ZBED6: variants seen among roughly 807,000 people sequenced by gnomAD.
ZBED6 encodes zinc finger BED domain-containing protein 6.
ZBED6 carries 40 observed loss-of-function variants against 58.4 expected under a neutral mutation model. The ratio of observed to expected loss-of-function variants is 0.68; its 90% CI spans 0.53 to 0.89. ZBED6 has a LOEUF of 0.89. ZBED6 is among the 40% of genes least tolerant of loss of function. The probability of loss-of-function intolerance (pLI) is 0.00; values close to 1 mark genes in which losing one functional copy is unlikely to be tolerated. For missense variants in ZBED6, 1,057 were observed against 1,003.9 expected, an observed-to-expected ratio of 1.05 and a Z score of -0.71; for synonymous variants, 439 against 350.6, an observed-to-expected ratio of 1.25 and a Z score of -2.82.
intron 1 of ZBED6, among the ~76,000 whole-genome samples, chr1:203,804,848 T>C (rs1486263301): frequency 6.6e-6 from 1 of 151,808 alleles, no homozygotes; most frequent in Non-Finnish European, 1.5e-5. Flanking sequence ...GATTTTTGTA[T>C]TTTTAGTAGA....
At chr1:203,849,148 G>A (rs1688678931) in intron 13 of ZBED6, among the ~76,000 whole-genome samples, 1 of 152,206 alleles carries the variant, frequency 6.6e-6, no homozygotes, top group African/African-American at 2.4e-5. Context: ...GCCTCCCAAC[G>A]TGTTGGGATT....
At chr1:203,822,534 A>G (rs1468102094) in intron 3 of ZBED6, among the ~76,000 whole-genome samples, 2 of 152,022 alleles carry the variant, frequency 1.3e-5, no homozygotes, top group Non-Finnish European at 1.5e-5. Flanking sequence ...CCCTGCGCAC[A>G]TACTCCAACT....
chr1:203,803,249 T>C (rs2102452858), intron 1 of ZBED6, among the ~76,000 whole-genome samples: 1 of 152,292 alleles, frequency 6.6e-6, no homozygotes, highest in Non-Finnish European at 1.5e-5. Flanking sequence ...TGGAGTGCAA[T>C]GGTGCCATCT....
In ZBED6 at chr1:203,831,234, T is replaced by C. The variant is rs893550798; in HGVS notation, c.*3400-427T>C. 2.0e-5 allele frequency among the ~76,000 whole-genome samples: 3 copies of C among 152,128 alleles called. 1 individual carries two copies. The East Asian group carries it at 5.8e-4, about 29-fold the overall frequency. The stretch of plus-strand genomic sequence containing the variant: ...AAAATTTATAGTGTGAAGTGTAGTA[T>C]ATATAGAGAGAAATGGTTCTAAAAA... On this transcript the variant is annotated intron_variant, in intron 7 of 16. Coordinates refer to ENST00000550078, the Ensembl canonical transcript of ZBED6.
At chr1:203,827,346 T>C (rs1211654680) in intron 3 of ZBED6, among the ~76,000 whole-genome samples, 2 of 150,474 alleles carry the variant, frequency 1.3e-5, no homozygotes, top group Admixed American at 6.6e-5. Context: ...GATGCACAGG[T>C]ATTCTTTTTT....
At chr1:203,834,683 T>A (rs1194230283) in intron 9 of ZBED6, among the ~76,000 whole-genome samples, 1 of 152,106 alleles carries the variant, frequency 6.6e-6, no homozygotes, top group Non-Finnish European at 1.5e-5. Flanking sequence ...AGAGTCTTGC[T>A]CTGTCGCCCA....
In ZBED6 at chr1:203,852,508, C is replaced by A. The variant is rs996470108; in HGVS notation, c.*5241C>A. On this transcript the variant is annotated 3_prime_UTR_variant, in exon 17 of 17. Transcript: ENST00000550078. ...TCATTTCTTTAGTCTAGAATTTGCC[C>A]CAAATCAGAAGTATACCTCTGAATT... 90 of 1,295,724 alleles carry A rather than the reference C, an allele frequency of 6.9e-5. No individual in the cohort carries two copies. In the African/African-American group the frequency reaches 1.3e-3, roughly 19 times the overall value. The allele number at this position is 1,295,724 out of a possible 1,614,324, so 80.3% of individuals were successfully genotyped here. A position where few individuals can be genotyped will look rare whatever the true frequency, so the allele number is the denominator to read the frequency against.
At chr1:203,803,372 G>A (rs1671115612) in intron 1 of ZBED6, among the ~76,000 whole-genome samples, 1 of 151,786 alleles carries the variant, frequency 6.6e-6, no homozygotes, top group South Asian at 2.1e-4. Context: ...TGTATTATTA[G>A]TGGAGATGAA....
At chr1:203,814,266 G>A (rs1342548511) in intron 1 of ZBED6, among the ~76,000 whole-genome samples, 1 of 152,180 alleles carries the variant, frequency 6.6e-6, no homozygotes, top group Non-Finnish European at 1.5e-5. Flanking sequence ...GCTCACACCT[G>A]TAATCCCAGC....
Position 203,797,703 on chromosome 1 carries a change from AAAAAG to A in ZBED6, c.190_194del (p.Arg64GlufsTer6). 3 of 1,535,038 alleles carry A rather than the reference AAAAAG, an allele frequency of 2.0e-6. No homozygotes were observed. Among genetic ancestry groups the A allele is most frequent in the Non-Finnish European group, 2.6e-6 (3 of 1,146,686 alleles). ...GAATAAAGAGGCAAAACAGCCTGCT[AAAAAG>A]AAAAGAAAGAAGGGTTTGCGAATTA... On this transcript the variant is annotated frameshift_variant, in exon 1 of 17. Coordinates refer to ENST00000550078, the Ensembl canonical transcript of ZBED6. LOFTEE classifies it high-confidence loss of function.
intron 15 of ZBED6, 138 bp downstream of exon 15, chr1:203,850,819 G>A (rs1205678376): frequency 1.6e-6 from 2 of 1,285,016 alleles, no homozygotes; most frequent in East Asian, 5.0e-5. Context: ...GGTTACTACT[G>A]TATTTTATAC....
intron 8 of ZBED6, among the ~76,000 whole-genome samples, chr1:203,832,059 T>G (rs1192904087): frequency 1.3e-5 from 2 of 152,160 alleles, no homozygotes; most frequent in Non-Finnish European, 2.9e-5. Flanking sequence ...ATAATAAAGT[T>G]TTTTATTTAT....
At chr1:203,805,714 G>A (rs1316957347) in intron 1 of ZBED6, 2 of 662,122 alleles carry the variant, frequency 3.0e-6, no homozygotes, top group African/African-American at 1.8e-5. Flanking sequence ...TGCAGGTGCA[G>A]ATGCTGGCTC....
At chr1:203,842,474 T>C (rs1482409554) in intron 11 of ZBED6, among the ~76,000 whole-genome samples, 3 of 151,788 alleles carry the variant, frequency 2.0e-5, no homozygotes, top group Non-Finnish European at 4.4e-5. Flanking sequence ...GGCGCGCGCC[T>C]GCAATCCCAG....
rs553171669 is a variant in ZBED6 at position 203,833,618 on chromosome 1, GTTTT to G, written c.*3511-158_*3511-155del. Among the ~76,000 whole-genome samples the G allele has an allele frequency of 9.7e-4, 121 of 124,814 alleles. 1 individual carries two copies. Among genetic ancestry groups the G allele is most frequent in the African/African-American group, 3.5e-3 (118 of 34,056 alleles). 81.9% of individuals were successfully genotyped at this position (124,814 alleles called of 152,430 possible). ...GGCTGTTTATTATTAATAGGTTTGG[GTTTT>G]TTTTTTTTTTTTTTGATATAATGGC... On this transcript the variant is annotated intron_variant, in intron 8 of 16. Coordinates refer to ENST00000550078, the Ensembl canonical transcript of ZBED6.
intron 10 of ZBED6, among the ~76,000 whole-genome samples, chr1:203,838,340 C>A (rs1017620111): frequency 6.6e-6 from 1 of 152,164 alleles, no homozygotes; most frequent in African/African-American, 2.4e-5. Context: ...GAAAAGTACA[C>A]AGTGTTATGG....
In ZBED6 at chr1:203,820,466, T is replaced by TTGTGTGTGTGTGTGTGTGTGTGTG. The variant is rs144962991; in HGVS notation, c.*2873+1778_*2873+1779insGTGTGTGTGTGTGTGTGTGTGTGT. Among the ~76,000 whole-genome samples, 240 of 136,458 alleles carry TTGTGTGTGTGTGTGTGTGTGTGTG rather than the reference T, an allele frequency of 1.8e-3. 4 individuals carry two copies. Among genetic ancestry groups the TTGTGTGTGTGTGTGTGTGTGTGTG allele is most frequent in the Non-Finnish European group, 2.3e-3 (144 of 61,726 alleles). The allele number at this position is 136,458 out of a possible 152,430, so 89.5% of individuals were successfully genotyped here. A position where few individuals can be genotyped will look rare whatever the true frequency, so the allele number is the denominator to read the frequency against. On this transcript the variant is annotated intron_variant, in intron 3 of 16. Transcript: ENST00000550078. ...ATAGCTTTAGCAGGAATATCACAAA[T>TTGTGTGTGTGTGTGTGTGTGTGTG]TATGTGTGTGTGTGTGTATATTTTG... is the stretch of plus-strand genomic sequence containing the variant.
At chr1:203,800,735 A>G (rs1451455539) in exon 1 of ZBED6, 2 of 254,030 alleles carry the variant, frequency 7.9e-6, no homozygotes, top group Admixed American at 5.3e-5. Context: ...GCAGCATTGA[A>G]AGGCCTTAGG....
intron 9 of ZBED6, chr1:203,835,924 G>T: frequency 9.7e-6 from 2 of 205,892 alleles, no homozygotes; most frequent in South Asian, 9.2e-5. Context: ...CTTCCTTTAA[G>T]AAGTCCTGTT....
Sources: allele counts gnomAD v4.1 joint callset (sites outside exome capture counted in the v4.1 genomes callset), GRCh38; gene constraint gnomAD v4.1.1; transcripts MANE v1.5; gene names NCBI Gene and HGNC (gene_info 2026-07-23, HGNC 2026-07-21).